GSTP1: variants seen among roughly 807,000 people sequenced by gnomAD.
The protein encoded by GSTP1 is glutathione S-transferase P.
GSTP1 carries 28 observed loss-of-function variants against 29.4 expected under a neutral mutation model. That is an observed-to-expected ratio of 0.95 (90% CI 0.71 to 1.30). GSTP1 has a LOEUF of 1.30. GSTP1 is among the 50% of genes most tolerant of loss of function. GSTP1 has a pLI of 0.00. For synonymous variants in GSTP1, 122 were observed against 117.0 expected (o/e 1.04, Z -0.28); for missense variants, 267 against 266.1 (o/e 1.00, Z -0.02).
Position 67,584,473 on chromosome 11 carries a change from C to G in GSTP1, c.47C>G (p.Ala16Gly), listed in dbSNP as rs1242562303. ...VVYFPVRGRCAALRMLLADQG... is the reference protein window; with the variant it reads ...VVYFPVRGRCGALRMLLADQG... ...TTCTCCCTCCCCGCAGGCCGCTGCG[C>G]GGCCCTGCGCATGCTGCTGGCAGAT... The change falls in exon 3 of 7, where the codon GCG becomes GGG. Residue 16 changes from alanine (A) to glycine (G), a missense_variant. Transcript: ENST00000398606. 4.6e-6 allele frequency: 7 copies of G among 1,522,600 alleles called. No individual in the cohort carries two copies. In the Admixed American group the frequency reaches 1.3e-4, roughly 29 times the overall value. The allele number at this position is 1,522,600 out of a possible 1,614,324, so 94.3% of individuals were successfully genotyped here.
At chr11:67,584,437 ACAT>A in intron 2 of GSTP1, 24 bp from the exon 3 acceptor site, 2 of 1,322,388 alleles carry the variant, frequency 1.5e-6, no homozygotes, top group Non-Finnish European at 2.1e-6. Context: ...CCCGGTCCCC[ACAT>A]CTCGTACTTC....
intron 6 of GSTP1, 46 bp from the exon 7 acceptor site, chr11:67,586,343 C>G: frequency 6.3e-7 from 1 of 1,580,120 alleles, no homozygotes; most frequent in Non-Finnish European, 8.7e-7. Context: ...CCCAATTCCT[C>G]CAGCCTGCTC....
chr11:67,584,842 AT>A (rs1867439683), intron 4 of GSTP1, 70 bp downstream of exon 4: 2 of 1,152,352 alleles, frequency 1.7e-6, no homozygotes, highest in South Asian at 2.4e-5. Flanking sequence ...TTTTGTTTAA[AT>A]CAGCTGCCCC....
chr11:67,584,095 T>C, intron 1 of GSTP1, 39 bp from the exon 2 acceptor site: 1 of 1,574,402 alleles, frequency 6.4e-7, no homozygotes, highest in Non-Finnish European at 8.7e-7. Context: ...CTTGGCATCC[T>C]CCCCCGGGCT....
chr11:67,584,454 C>T lies in GSTP1; in HGVS notation c.38-10C>T. The T allele has an allele frequency of 6.8e-7, 1 of 1,460,374 alleles. No homozygotes were observed. The highest frequency in any genetic ancestry group is 9.2e-7 in the Non-Finnish European group (1 of 1,089,412). The allele number at this position is 1,460,374 out of a possible 1,614,324, so 90.5% of individuals were successfully genotyped here. On this transcript the variant is annotated splice_polypyrimidine_tract_variant and intron_variant, in intron 2 of 6. Coordinates refer to ENST00000398606, the MANE Select transcript of GSTP1 (RefSeq NM_000852.4). ...CGGTCCCCACATCTCGTACTTCTCC[C>T]TCCCCGCAGGCCGCTGCGCGGCCCT...
At chr11:67,585,690 T>C (rs754587255) in intron 5 of GSTP1, among the ~76,000 whole-genome samples, 15 of 151,822 alleles carry the variant, frequency 9.9e-5, no homozygotes, top group Non-Finnish European at 1.5e-4. Flanking sequence ...TGTGTGTGCG[T>C]GTGTGTGTGT....
In GSTP1 at chr11:67,584,706, T is replaced by C; in HGVS notation, c.166T>C (p.Phe56Leu). The change falls in exon 4 of 7, where the codon TTC becomes CTC. Residue 56 changes from phenylalanine (F) to leucine (L), a missense_variant. By Grantham distance (22) the Phe-to-Leu change is conservative. Coordinates refer to ENST00000398606, the MANE Select transcript of GSTP1 (RefSeq NM_000852.4). ...ASCLYGQLPK[F>L]QDGDLTLYQS... is the part of the protein sequence containing the mutation. Reference sequence around the variant, plus strand: ...ACAGCTATACGGGCAGCTCCCCAAGTTCCAGGACGGAGACCTCACCCTGTA... The same window carrying C: ...ACAGCTATACGGGCAGCTCCCCAAGCTCCAGGACGGAGACCTCACCCTGTA... The C allele has an allele frequency of 1.2e-6, 2 of 1,613,726 alleles. No individual in the cohort carries two copies. The highest frequency in any genetic ancestry group is 1.7e-6 in the Non-Finnish European group (2 of 1,179,868).
Position 67,584,693 on chromosome 11 carries a change from G to C in GSTP1, c.153G>C (p.Gly51=). The C allele has an allele frequency of 2.5e-6, 4 of 1,613,588 alleles. No homozygotes were observed. The highest frequency in any genetic ancestry group is 3.4e-6 in the Non-Finnish European group (4 of 1,179,674). ...EGSLKASCLY[G]QLPKFQDGDL... ...CATGCCTCCCCCAACAGCTATACGG[G>C]CAGCTCCCCAAGTTCCAGGACGGAG... is the stretch of plus-strand genomic sequence containing the variant. The change falls in exon 4 of 7, where the codon GGG becomes GGC. Residue 51 remains glycine, a synonymous_variant. Coordinates refer to ENST00000398606, the MANE Select transcript of GSTP1 (RefSeq NM_000852.4).
At position 67,585,349 on chromosome 11, in the gene GSTP1, G is replaced by A. The variant is rs1480032066; in HGVS notation, c.336+108G>A. 5.4e-6 allele frequency: 4 copies of A among 736,426 alleles called. No individual in the cohort carries two copies. In the East Asian group the frequency reaches 1.1e-4, roughly 19 times the overall value. The allele number at this position is 736,426 out of a possible 1,614,324, so 45.6% of individuals were successfully genotyped here. A position where few individuals can be genotyped will look rare whatever the true frequency, so the allele number is the denominator to read the frequency against. ...GTGGCTTGGGCTGACCCCTTCTTGGGTCAGGGTGCAGGGGCTGGGTCAGCT... is the reference window on the plus strand; with the variant it reads ...GTGGCTTGGGCTGACCCCTTCTTGGATCAGGGTGCAGGGGCTGGGTCAGCT... On this transcript the variant is annotated intron_variant, in intron 5 of 6. Transcript: ENST00000398606.
Position 67,586,458 on chromosome 11 carries a change from GA to G in GSTP1, c.515del (p.Asp172ValfsTer29), listed in dbSNP as rs756410032. The G allele has an allele frequency of 9.3e-6, 15 of 1,614,200 alleles. No individual in the cohort carries two copies. The highest frequency in any genetic ancestry group is 1.1e-5 in the Non-Finnish European group (13 of 1,180,028). ...TGAGGTCCTAGCCCCTGGCTGCCTG[GA>G]TGCGTTCCCCCTGCTCTCAGCATAT... The part of the protein sequence containing the change: ...IHEVLAPGCL[D>X]AFPLLSAYVG... On this transcript the variant is annotated frameshift_variant, in exon 7 of 7. Transcript: ENST00000398606. LOFTEE classifies it high-confidence loss of function.
In GSTP1 at chr11:67,584,750, G is replaced by C; in HGVS notation, c.210G>C (p.Leu70=). The C allele has an allele frequency of 6.2e-7, 1 of 1,613,148 alleles. No homozygotes were observed. The highest frequency in any genetic ancestry group is 8.5e-7 in the Non-Finnish European group (1 of 1,179,500). The change falls in exon 4 of 7, where the codon CTG becomes CTC. Residue 70 remains leucine, a synonymous_variant. Coordinates refer to ENST00000398606, the MANE Select transcript of GSTP1 (RefSeq NM_000852.4). The stretch of plus-strand genomic sequence containing the variant: ...CCCTGTACCAGTCCAATACCATCCT[G>C]CGTCACCTGGGCCGCACCCTTGGTG... ...DLTLYQSNTI[L]RHLGRTLGLY... is the part of the protein sequence containing the mutation.
At chr11:67,585,668 C>CGTGCGT (rs370989206) in intron 5 of GSTP1, among the ~76,000 whole-genome samples, 6,059 of 151,868 alleles carry the variant, frequency 0.04, 386 homozygotes, top group African/African-American at 0.13. Context: ...CGTGTGTGCG[C>CGTGCGT]GTGCGTGTGC....
At position 67,584,681 on chromosome 11, in the gene GSTP1, A is replaced by G. The variant is rs778020351; in HGVS notation, c.145-4A>G. On this transcript the variant is annotated splice_polypyrimidine_tract_variant and splice_region_variant and intron_variant, in intron 3 of 6. Transcript: ENST00000398606. ...CCCTCCCTGAGCCATGCCTCCCCCAACAGCTATACGGGCAGCTCCCCAAGT... is the reference window on the plus strand; with the variant it reads ...CCCTCCCTGAGCCATGCCTCCCCCAGCAGCTATACGGGCAGCTCCCCAAGT... 12 of 1,612,812 alleles carry G rather than the reference A, an allele frequency of 7.4e-6. No homozygotes were observed. The highest frequency in any genetic ancestry group is 2.2e-5 in the East Asian group (1 of 44,872).
At chr11:67,585,100 C>A in intron 4 of GSTP1, 38 bp from the exon 5 acceptor site, 1 of 1,341,924 alleles carries the variant, frequency 7.5e-7, no homozygotes, top group Middle Eastern at 1.8e-4. Context: ...TGATCAGGCG[C>A]CCAGTCACGC....
In GSTP1 at chr11:67,584,769, C is replaced by T. The variant is rs1867438204; in HGVS notation, c.229C>T (p.Leu77Phe). 1 of 1,607,106 alleles carries T rather than the reference C, an allele frequency of 6.2e-7. No individual in the cohort carries two copies. Among genetic ancestry groups the T allele is most frequent in the African/African-American group, 1.3e-5 (1 of 74,824 alleles). ...NTILRHLGRT[L>F]GLYGKDQQEA... ...CATCCTGCGTCACCTGGGCCGCACC[C>T]TTGGTGAGTCTTGAACCTCCAAGTC... The change falls in exon 4 of 7, where the codon CTT (leucine) becomes TTT (phenylalanine). Residue 77 changes from leucine to phenylalanine, a missense_variant. Physicochemically the swap from Leu to Phe is conservative, Grantham distance 22. Transcript: ENST00000398606.
In GSTP1 at chr11:67,586,541, C is replaced by A. The variant is rs538776740; in HGVS notation, c.597C>A (p.Tyr199Ter). The A allele has an allele frequency of 5.0e-6, 8 of 1,613,680 alleles. No homozygotes were observed. Among genetic ancestry groups the A allele is most frequent in the Non-Finnish European group, 6.8e-6 (8 of 1,179,826 alleles). ...AGGCCTTCCTGGCCTCCCCTGAGTA[C>A]GTGAACCTCCCCATCAATGGCAACG... ...KLKAFLASPE[Y>*]VNLPINGNGK... The change falls in exon 7 of 7, where the codon TAC (tyrosine) becomes TAA (stop). Residue 199 changes from tyrosine to a stop codon, truncating the protein, a stop_gained. Transcript: ENST00000398606. LOFTEE classifies it high-confidence loss of function.
Position 67,586,173 on chromosome 11 carries a change from C to T in GSTP1, c.406C>T (p.Gln136Ter). ...QLKPFETLLS[Q>*]NQGGKTFIVG... is the part of the protein sequence containing the mutation. Reference sequence around the variant, plus strand: ...GAAGCCTTTTGAGACCCTGCTGTCCCAGAACCAGGGAGGCAAGACCTTCAT... The same window carrying T: ...GAAGCCTTTTGAGACCCTGCTGTCCTAGAACCAGGGAGGCAAGACCTTCAT... Residue 136 changes from glutamine to a stop codon, truncating the protein, a stop_gained, in exon 6 of 7, where the codon CAG becomes TAG. Coordinates refer to ENST00000398606, the MANE Select transcript of GSTP1 (RefSeq NM_000852.4). LOFTEE classifies it high-confidence loss of function. The T allele has an allele frequency of 1.2e-6, 2 of 1,613,930 alleles. No individual in the cohort carries two copies. Among genetic ancestry groups the T allele is most frequent in the Non-Finnish European group, 8.5e-7 (1 of 1,179,878 alleles).
In GSTP1 at chr11:67,586,565, C is replaced by T. The variant is rs569148981; in HGVS notation, c.621C>T (p.Asn207=). ...PEYVNLPING[N]GKQ is the part of the protein sequence containing the mutation. ...ACGTGAACCTCCCCATCAATGGCAACGGGAAACAGTGAGGGTTGGGGGGAC... is the reference window on the plus strand; with the variant it reads ...ACGTGAACCTCCCCATCAATGGCAATGGGAAACAGTGAGGGTTGGGGGGAC... The change falls in exon 7 of 7, where the codon AAC becomes AAT. Residue 207 remains asparagine, a synonymous_variant. Coordinates refer to ENST00000398606, the MANE Select transcript of GSTP1 (RefSeq NM_000852.4). The T allele has an allele frequency of 6.3e-5, 102 of 1,612,426 alleles. 1 individual carries two copies. In the South Asian group the frequency reaches 9.2e-4, roughly 15 times the overall value.
chr11:67,585,308 C>A, intron 5 of GSTP1, 67 bp downstream of exon 5: 3 of 1,091,934 alleles, frequency 2.7e-6, no homozygotes, highest in South Asian at 1.4e-5. Context: ...GTGCCCTCAC[C>A]CCCCTTACCC....
Sources: allele counts gnomAD v4.1 joint callset (sites outside exome capture counted in the v4.1 genomes callset), GRCh38; gene constraint gnomAD v4.1.1; transcripts MANE v1.5; gene names NCBI Gene and HGNC (gene_info 2026-07-23, HGNC 2026-07-21).